GMEB1: variants seen among roughly 807,000 people sequenced by gnomAD.
GMEB1 encodes the protein glucocorticoid modulatory element-binding protein 1.
GMEB1 carries 6 observed loss-of-function variants against 52.4 expected under a neutral mutation model. That is an observed-to-expected ratio of 0.11 (90% confidence interval 0.06 to 0.23). GMEB1 has a LOEUF of 0.23. Ranked by LOEUF, GMEB1 falls within the 10% of genes least tolerant of loss-of-function variation. The probability of loss-of-function intolerance (pLI) is 1.00; values close to 1 mark genes in which losing one functional copy is unlikely to be tolerated. For synonymous variants in GMEB1, 255 were observed against 244.9 expected, an observed-to-expected ratio of 1.04 and a Z score of -0.38; for missense variants, 486 against 685.6, an observed-to-expected ratio of 0.71 and a Z score of 3.25.
At chr1:28,702,629 A>G (rs1670571013) in intron 7 of GMEB1, 60 bp downstream of exon 7, 2 of 1,489,696 alleles carry the variant, frequency 1.3e-6, no homozygotes, top group Non-Finnish European at 1.9e-6. Context: ...CACCATTATC[A>G]TTATGGACAC....
At chr1:28,695,549 C>G (rs1480450479) in intron 5 of GMEB1, among the ~76,000 whole-genome samples, 1 of 151,740 alleles carries the variant, frequency 6.6e-6, no homozygotes, top group South Asian at 2.1e-4. Context: ...TTTTTTTAGT[C>G]AGAGACACAG....
At chr1:28,691,304 G>T (rs983841156) in intron 3 of GMEB1, among the ~76,000 whole-genome samples, 5 of 151,174 alleles carry the variant, frequency 3.3e-5, no homozygotes, top group Admixed American at 3.3e-4. Flanking sequence ...TCTCAAAAAA[G>T]AAAAAAAGAA....
intron 1 of GMEB1, among the ~76,000 whole-genome samples, chr1:28,678,416 T>C (rs1282970244): frequency 6.6e-6 from 1 of 150,658 alleles, no homozygotes; most frequent in East Asian, 2.0e-4. Flanking sequence ...GGTTCGCCAT[T>C]CTCCTGCCTC....
intron 6 of GMEB1, among the ~76,000 whole-genome samples, chr1:28,697,594 G>A (rs1032255654): frequency 2.0e-5 from 3 of 152,096 alleles, no homozygotes; most frequent in Non-Finnish European, 4.4e-5. Flanking sequence ...TCCATGCTTT[G>A]GAAACATGCT....
In GMEB1 at chr1:28,674,708, C is replaced by CTTTTTTTT. The variant is rs34267851; in HGVS notation, c.-31+5890_-31+5897dup. ...CCGTGCCCGGCCAGAATAGTTAATT[C>CTTTTTTTT]TTTTTTTTTTTTTTTTTTTTTTTTT... On this transcript the variant is annotated intron_variant, in intron 1 of 9. Coordinates refer to ENST00000373816, the MANE Select transcript of GMEB1 (RefSeq NM_001319674.2). Among the ~76,000 whole-genome samples the CTTTTTTTT allele has an allele frequency of 4.1e-5, 2 of 49,118 alleles. 1 individual carries two copies. The highest frequency in any genetic ancestry group is 1.7e-4 in the African/African-American group (2 of 11,964). 32.2% of individuals were successfully genotyped at this position (49,118 alleles called of 152,430 possible).
At chr1:28,668,308 C>A (rs954152971), upstream of GMEB1, among the ~76,000 whole-genome samples, 2 of 151,912 alleles carry the variant, frequency 1.3e-5, no homozygotes, top group Non-Finnish European at 2.9e-5. Flanking sequence ...AGGCACGGGT[C>A]AGACAATGCT....
At chr1:28,693,592 C>T (rs867573370) in intron 5 of GMEB1, among the ~76,000 whole-genome samples, 1 of 151,900 alleles carries the variant, frequency 6.6e-6, no homozygotes, top group African/African-American at 2.4e-5. Context: ...CCTCGGCTCA[C>T]TGCAACCTCG....
intron 1 of GMEB1, among the ~76,000 whole-genome samples, chr1:28,670,388 C>T (rs545508850): frequency 6.7e-6 from 1 of 149,454 alleles, no homozygotes; most frequent in Non-Finnish European, 1.5e-5. Context: ...AGTGCAATGG[C>T]GCGATCTCAG....
intron 5 of GMEB1, among the ~76,000 whole-genome samples, chr1:28,694,171 A>G (rs930928488): frequency 4.4e-4 from 67 of 151,564 alleles, no homozygotes; most frequent in Non-Finnish European, 4.4e-4. Flanking sequence ...AAATGTTGAC[A>G]TGGTCTGTGT....
At chr1:28,684,562 CAAAAAAAAAAA>C in intron 2 of GMEB1, among the ~76,000 whole-genome samples, 1 of 102,996 alleles carries the variant, frequency 9.7e-6, no homozygotes, top group East Asian at 2.5e-4. Flanking sequence ...GACTCCATCT[CAAAAAAAAAAA>C]AAAAAAAATT....
In GMEB1 at chr1:28,684,952, A is replaced by T. The variant is rs542065706; in HGVS notation, c.128+1212A>T. The stretch of plus-strand genomic sequence containing the variant: ...ACCATGAAGGCATGATTTACTTCAG[A>T]GTTCAAATGTTGACTTTTTTAGTTT... On this transcript the variant is annotated intron_variant, in intron 2 of 9. Transcript: ENST00000373816. Among the ~76,000 whole-genome samples the T allele has an allele frequency of 1.7e-4, 26 of 152,310 alleles. No individual in the cohort carries two copies. The South Asian group carries it at 3.7e-3, about 22-fold the overall frequency.
At chr1:28,696,659 T>A (rs951898206) in intron 5 of GMEB1, among the ~76,000 whole-genome samples, 6 of 152,122 alleles carry the variant, frequency 3.9e-5, no homozygotes, top group Non-Finnish European at 8.8e-5. Flanking sequence ...ACTGAAACTT[T>A]ATGTCTGTGA....
Position 28,704,312 on chromosome 1 carries a change from C to T in GMEB1, c.851C>T (p.Ala284Val). The T allele has an allele frequency of 6.2e-7, 1 of 1,612,336 alleles. No homozygotes were observed. The highest frequency in any genetic ancestry group is 1.1e-5 in the South Asian group (1 of 90,800). ...GGAGTTCAGCAGCGGCTCATCCAGG[C>T]TCCCTTCCAAGTCACAGGTAAGTGC... ...LRGVQQRLIQ[A>V]PFQVTDAAVL... is the part of the protein sequence containing the mutation. Residue 284 changes from alanine (A) to valine (V), a missense_variant, in exon 8 of 10, where the codon GCT (alanine) becomes GTT (valine). Ala to Val is a moderately conservative substitution (Grantham distance 64). Coordinates refer to ENST00000373816, the MANE Select transcript of GMEB1 (RefSeq NM_001319674.2).
intron 1 of GMEB1, among the ~76,000 whole-genome samples, chr1:28,679,183 CT>C (rs879838060): frequency 7.9e-4 from 111 of 140,524 alleles, no homozygotes; most frequent in Middle Eastern, 4.1e-3. Flanking sequence ...CACACCTGAC[CT>C]TTTTTTTTTT....
At chr1:28,709,006 C>T (rs970902252) in intron 8 of GMEB1, among the ~76,000 whole-genome samples, 3 of 151,622 alleles carry the variant, frequency 2.0e-5, no homozygotes, top group Admixed American at 1.3e-4. Context: ...TTGTGGCGGG[C>T]GCCTGTAATC....
intron 1 of GMEB1, among the ~76,000 whole-genome samples, chr1:28,676,228 C>T (rs538922392): frequency 6.6e-6 from 1 of 152,230 alleles, no homozygotes; most frequent in South Asian, 2.1e-4. Flanking sequence ...TTAGAAGCAT[C>T]CTTCTAAATC....
chr1:28,685,604 T>C (rs1253114917), intron 2 of GMEB1, among the ~76,000 whole-genome samples: 2 of 152,200 alleles, frequency 1.3e-5, no homozygotes, highest in Non-Finnish European at 1.5e-5. Context: ...ATAGTAGATA[T>C]AGAGAATTAA....
chr1:28,695,393 T>C (rs1057138411), intron 5 of GMEB1, among the ~76,000 whole-genome samples: 1 of 151,546 alleles, frequency 6.6e-6, no homozygotes, highest in African/African-American at 2.4e-5. Context: ...TCACCATGCC[T>C]GGCTTATTTT....
At chr1:28,690,286 T>C (rs1248923948) in intron 3 of GMEB1, 100 bp downstream of exon 3, 3 of 617,670 alleles carry the variant, frequency 4.9e-6, no homozygotes, top group South Asian at 2.1e-5. Flanking sequence ...CTGTGCCTTA[T>C]GTTTTTCTCC....
Sources: gnomAD v4.1 joint callset for allele counts (sites outside exome capture counted in the v4.1 genomes callset) on GRCh38, gnomAD v4.1.1 for gene constraint, MANE v1.5 for transcripts, NCBI Gene and HGNC (gene_info 2026-07-23, HGNC 2026-07-21) for gene names.